The following ZNF678 variants were observed in gnomAD, a reference collection of about 807,000 sequenced individuals.
The protein encoded by ZNF678 is hypothetical protein MGC42493.
Under a neutral mutation model 3.0 loss-of-function variants are expected in ZNF678, and 5 were observed. The observed-to-expected ratio is 1.69, with a 90% CI of 0.88 to 3.56. The LOEUF is 3.56. Among genes scored for constraint, ZNF678 ranks in the 30% most tolerant of loss-of-function variants. The pLI is 0.00. For missense variants in ZNF678, 593 were observed against 605.0 expected (o/e 0.98, Z 0.21); for synonymous variants, 218 against 199.6 (o/e 1.09, Z -0.78).
chr1:227,630,805 G>T (rs559460185), intron 1 of ZNF678, among the ~76,000 whole-genome samples: 1 of 152,262 alleles, frequency 6.6e-6, no homozygotes, highest in Non-Finnish European at 1.5e-5. Context: ...GGAGCCAGGG[G>T]AATGCTGAGG....
chr1:227,606,276 G>T (rs1470421738), intron 1 of ZNF678, among the ~76,000 whole-genome samples: 1 of 152,168 alleles, frequency 6.6e-6, no homozygotes, highest in Non-Finnish European at 1.5e-5. Context: ...TGGGGAGAAG[G>T]TCAGCAGGAA....
chr1:227,663,165 G>C (rs1659443227), downstream of ZNF678, among the ~76,000 whole-genome samples: 1 of 152,158 alleles, frequency 6.6e-6, no homozygotes, highest in African/African-American at 2.4e-5. Context: ...CTTGATGTCA[G>C]GTTCCTAGCC....
rs564683378 is a variant in ZNF678, at chr1:227,658,324, G to C, written c.*2496G>C. 1.3e-5 allele frequency: 2 copies of C among 152,002 alleles called. No individual in the cohort carries two copies. Among genetic ancestry groups the C allele is most frequent in the Middle Eastern group, 6.8e-3 (2 of 294 alleles). The allele number at this position is 152,002 out of a possible 1,614,324, so 9.4% of individuals were successfully genotyped here. On this transcript the variant is annotated 3_prime_UTR_variant, in exon 4 of 4. Transcript: ENST00000343776. ...CACAGGAAAGTGCTAGGTTTCCTGG[G>C]GGTATAATAGATGCTCTATAATTAG... is the stretch of plus-strand genomic sequence containing the variant.
rs532483948 is a variant in ZNF678, at chr1:227,582,141, C to G, written c.-164+18417C>G. ...TTAATTTGCAAATACTCTATACATTCTGGATACAAGTATATTGTCAGATAT... is the reference window on the plus strand; with the variant it reads ...TTAATTTGCAAATACTCTATACATTGTGGATACAAGTATATTGTCAGATAT... On this transcript the variant is annotated intron_variant, in intron 1 of 3. Coordinates refer to ENST00000343776, the MANE Select transcript of ZNF678 (RefSeq NM_001367909.1). 2.6e-5 allele frequency among the ~76,000 whole-genome samples: 4 copies of G among 151,766 alleles called. No homozygotes were observed. In the South Asian group the frequency reaches 8.3e-4, roughly 31 times the overall value.
At chr1:227,586,931 G>A (rs1277965586) in intron 1 of ZNF678, among the ~76,000 whole-genome samples, 2 of 152,184 alleles carry the variant, frequency 1.3e-5, no homozygotes, top group African/African-American at 4.8e-5. Flanking sequence ...CAGTCTCCCT[G>A]AATGCAAAGC....
intron 5 of ZNF678, among the ~76,000 whole-genome samples, chr1:227,671,387 A>AG (rs1659600072): frequency 6.6e-6 from 1 of 152,094 alleles, no homozygotes; most frequent in Admixed American, 6.6e-5. Flanking sequence ...GCAATTCTAG[A>AG]GAAAAAAAAA....
chr1:227,592,540 C>T lies in ZNF678; in HGVS notation c.-164+28816C>T, dbSNP rs180808348. On this transcript the variant is annotated intron_variant, in intron 1 of 3. Coordinates refer to ENST00000343776, the MANE Select transcript of ZNF678 (RefSeq NM_001367909.1). Reference sequence around the variant, plus strand: ...GGTCAGGAAGCCCCAGGGCTGGGGCCGACATGAGTTTTTCTTTAACTCATG... The same window carrying T: ...GGTCAGGAAGCCCCAGGGCTGGGGCTGACATGAGTTTTTCTTTAACTCATG... 6.0e-4 allele frequency among the ~76,000 whole-genome samples: 91 copies of T among 152,224 alleles called. 4 individuals are homozygous for T. The highest frequency in any genetic ancestry group is 2.7e-3 in the Admixed American group (42 of 15,296).
chr1:227,650,090 C>T (rs1659053313), intron 2 of ZNF678, among the ~76,000 whole-genome samples: 1 of 152,122 alleles, frequency 6.6e-6, no homozygotes, highest in Admixed American at 6.5e-5. Flanking sequence ...ATCATTACCA[C>T]AACCATATCA....
intron 1 of ZNF678, among the ~76,000 whole-genome samples, chr1:227,590,382 C>T (rs1294529406): frequency 1.3e-5 from 2 of 151,716 alleles, no homozygotes; most frequent in Non-Finnish European, 2.9e-5. Context: ...TAACATTTCT[C>T]ATCTGAGTTT....
At chr1:227,572,499 G>A (rs193023723) in intron 1 of ZNF678, among the ~76,000 whole-genome samples, 180 of 152,356 alleles carry the variant, frequency 1.2e-3, no homozygotes, top group African/African-American at 4.2e-3. Context: ...TTGTAGCAAA[G>A]GAGGTCGGTA....
In ZNF678 at chr1:227,634,188, A is replaced by G. The variant is rs976548564; in HGVS notation, c.-163-12356A>G. Among the ~76,000 whole-genome samples, 8 of 152,290 alleles carry G rather than the reference A, an allele frequency of 5.3e-5. No homozygotes were observed. The East Asian group carries it at 9.7e-4, about 18-fold the overall frequency. On this transcript the variant is annotated intron_variant, in intron 1 of 3. Transcript: ENST00000343776. ...TCCTTGCAGAATTTACCTGCTAACT[A>G]AAGAGCCCTTGGGTCCTGAATAACT...
rs375656036 is a variant in ZNF678, at chr1:227,655,831, A to C, written c.*3A>C. 6.4e-7 allele frequency: 1 copy of C among 1,555,520 alleles called. No individual in the cohort carries two copies. Among genetic ancestry groups the C allele is most frequent in the East Asian group, 2.3e-5 (1 of 44,428 alleles). On this transcript the variant is annotated 3_prime_UTR_variant, in exon 4 of 4. Transcript: ENST00000343776. The stretch of plus-strand genomic sequence containing the variant: ...GTAAAAAATGTGGCAGTCTTTAAAA[A>C]CTGCTTCATTATACATGGCTTCACT...
chr1:227,652,232 G>T (rs1207747790), intron 3 of ZNF678, among the ~76,000 whole-genome samples: 1 of 152,082 alleles, frequency 6.6e-6, no homozygotes, highest in Admixed American at 6.5e-5. Context: ...AACAGTTGTT[G>T]ACATATAATG....
At chr1:227,663,335 C>A (rs1659445689), downstream of ZNF678, among the ~76,000 whole-genome samples, 1 of 152,176 alleles carries the variant, frequency 6.6e-6, no homozygotes, top group Non-Finnish European at 1.5e-5. Flanking sequence ...CAGTTTCCAC[C>A]AGCATTGAAA....
At chr1:227,637,394 G>A (rs1658705971) in intron 1 of ZNF678, among the ~76,000 whole-genome samples, 1 of 152,098 alleles carries the variant, frequency 6.6e-6, no homozygotes, top group Non-Finnish European at 1.5e-5. Context: ...TAAACTGTTA[G>A]GTTGGCATGG....
At chr1:227,568,297 G>A (rs1421382293) in intron 1 of ZNF678, among the ~76,000 whole-genome samples, 1 of 138,992 alleles carries the variant, frequency 7.2e-6, no homozygotes. Flanking sequence ...GTTAAGTGGT[G>A]GTTGGTGAAC....
chr1:227,585,451 CAG>C (rs1199245264), intron 1 of ZNF678, among the ~76,000 whole-genome samples: 2 of 152,076 alleles, frequency 1.3e-5, no homozygotes, highest in Non-Finnish European at 2.9e-5. Context: ...ATACATTAAA[CAG>C]AAAATGTTAG....
At chr1:227,646,796 A>G (rs1032781134) in intron 2 of ZNF678, 126 bp downstream of exon 2, 26 of 857,016 alleles carry the variant, frequency 3.0e-5, no homozygotes, top group Non-Finnish European at 3.9e-5. Flanking sequence ...CTTCTAAGGA[A>G]AACTTGGGAA....
Position 227,565,054 on chromosome 1 carries a change from CTTTTTTTTTTTTTTTT to C in ZNF678, c.-164+1341_-164+1356del, listed in dbSNP as rs56226010. On this transcript the variant is annotated intron_variant, in intron 1 of 3. Transcript: ENST00000343776. Reference sequence around the variant, plus strand: ...GGCCTGTTGTTTTTTCCCTACCCGGCTTTTTTTTTTTTTTTTTTTTTTTTTTGGTTGAGTTGGAGTC... The same window carrying C: ...GGCCTGTTGTTTTTTCCCTACCCGGCTTTTTTTTTTGGTTGAGTTGGAGTC... Among the ~76,000 whole-genome samples, 3 of 32,738 alleles carry C rather than the reference CTTTTTTTTTTTTTTTT, an allele frequency of 9.2e-5. No individual in the cohort carries two copies. The South Asian group carries it at 4.6e-3, about 50-fold the overall frequency. The allele number at this position is 32,738 out of a possible 152,430, so 21.5% of individuals were successfully genotyped here. A position where few individuals can be genotyped will look rare whatever the true frequency, so the allele number is the denominator to read the frequency against.
Sources: allele counts gnomAD v4.1 joint callset (sites outside exome capture counted in the v4.1 genomes callset), GRCh38; gene constraint gnomAD v4.1.1; transcripts MANE v1.5; gene names NCBI Gene and HGNC (gene_info 2026-07-23, HGNC 2026-07-21).